Variants in SULT1A2 observed in about 807,000 individuals in gnomAD.
SULT1A2 encodes the protein sulfotransferase 1A2.
In SULT1A2, 33 loss-of-function variants were observed where a neutral mutation model predicts 36.0. The ratio of observed to expected loss-of-function variants is 0.92; its 90% CI spans 0.69 to 1.22. SULT1A2 has a LOEUF of 1.22. Ranked by LOEUF, SULT1A2 falls within the 50% of genes most tolerant of loss-of-function variation. SULT1A2 has a pLI of 0.00. For synonymous variants in SULT1A2, 138 were observed against 144.5 expected (o/e 0.96, Z 0.32); for missense variants, 367 against 383.2 (o/e 0.96, Z 0.35).
chr16:28,592,771 G>C (rs1205492599), intron 6 of SULT1A2, among the ~76,000 whole-genome samples: 1 of 152,216 alleles, frequency 6.6e-6, no homozygotes, highest in African/African-American at 2.4e-5. Context: ...GTTCAGGCGT[G>C]TAATTCCCAA....
intron 1 of SULT1A2, 74 bp from the exon 2 acceptor site, chr16:28,596,008 C>T: frequency 6.3e-7 from 1 of 1,583,910 alleles, no homozygotes; most frequent in Non-Finnish European, 8.6e-7. Context: ...TTCTTGCTTT[C>T]AGGGAAGTCA....
At position 28,593,425 on chromosome 16, in the gene SULT1A2, C is replaced by T; in HGVS notation, c.499+17G>A. 2 of 1,614,188 alleles carry T rather than the reference C, an allele frequency of 1.2e-6. No homozygotes were observed. Among genetic ancestry groups the T allele is most frequent in the Non-Finnish European group, 1.7e-6 (2 of 1,180,020 alleles). On this transcript the variant is annotated intron_variant, in intron 5 of 7. Transcript: ENST00000335715. ...CACCCCTTAGCTCCACACCTTCCTT[C>T]CTCCCATCAAGCCCACCTTCTCCAG...
Position 28,595,892 on chromosome 16 carries a change from C to T in SULT1A2, c.39G>A (p.Glu13=), listed in dbSNP as rs982197817. The T allele has an allele frequency of 6.2e-7, 1 of 1,607,484 alleles. No homozygotes were observed. The highest frequency in any genetic ancestry group is 8.5e-7 in the Non-Finnish European group (1 of 1,176,732). Residue 13 remains glutamate, a synonymous_variant, in exon 2 of 8, where the codon GAG becomes GAA. Coordinates refer to ENST00000335715, the MANE Select transcript of SULT1A2 (RefSeq NM_001054.4). The part of the protein sequence containing the change: ...LIQDISRPPL[E]YVKGVPLIKY... ...TGATGAGCGGGACCCCCTTCACGTA[C>T]TCCAGTGGCGGGCGAGAGATGTCCT...
In SULT1A2 at chr16:28,594,106, T is replaced by G. The variant is rs1458850524; in HGVS notation, c.373-538A>C. Among the ~76,000 whole-genome samples the G allele has an allele frequency of 5.3e-3, 699 of 131,982 alleles. 10 individuals carry two copies. The highest frequency in any genetic ancestry group is 0.017 in the African/African-American group (666 of 38,688). 86.6% of individuals were successfully genotyped at this position (131,982 alleles called of 152,430 possible). A position where few individuals can be genotyped will look rare whatever the true frequency, so the allele number is the denominator to read the frequency against. On this transcript the variant is annotated intron_variant, in intron 4 of 7. Transcript: ENST00000335715. ...TTTTTGTTGTGGTTTTTTTTTTTTTTTGGGGGGGGGGACTCTAGGTCTCAA... is the reference window on the plus strand; with the variant it reads ...TTTTTGTTGTGGTTTTTTTTTTTTTGTGGGGGGGGGGACTCTAGGTCTCAA...
intron 2 of SULT1A2, 44 bp downstream of exon 2, chr16:28,595,739 G>A (rs1212944170): frequency 1.9e-6 from 3 of 1,612,128 alleles, no homozygotes; most frequent in African/African-American, 2.7e-5. Context: ...TGGCCAAGGT[G>A]GGGACTGCCA....
intron 1 of SULT1A2, chr16:28,596,430 G>T: frequency 1.1e-6 from 1 of 908,982 alleles, no homozygotes; most frequent in Non-Finnish European, 1.4e-6. Context: ...AGGCTGGCCA[G>T]GCCTGTGATC....
Position 28,595,872 on chromosome 16 carries a change from A to T in SULT1A2, c.59T>A (p.Leu20His), listed in dbSNP as rs779004792. ...CAGTGCCTCTGCAAAGTACTTGATG[A>T]GCGGGACCCCCTTCACGTACTCCAG... is the stretch of plus-strand genomic sequence containing the variant. Reference protein sequence around the residue: ...PPLEYVKGVPLIKYFAEALGP... With the variant: ...PPLEYVKGVPHIKYFAEALGP... The change falls in exon 2 of 8, where the codon CTC becomes CAC. Residue 20 changes from leucine (L) to histidine (H), a missense_variant. By Grantham distance (99) the Leu-to-His change is moderately conservative. Transcript: ENST00000335715. 1 of 1,610,822 alleles carries T rather than the reference A, an allele frequency of 6.2e-7. No individual in the cohort carries two copies. Among genetic ancestry groups the T allele is most frequent in the Non-Finnish European group, 8.5e-7 (1 of 1,178,994 alleles).
chr16:28,595,130 C>A (rs148268723), intron 4 of SULT1A2, among the ~76,000 whole-genome samples: 205 of 152,156 alleles, frequency 1.3e-3, no homozygotes, highest in Middle Eastern at 0.01. Flanking sequence ...TCTCTGTCAC[C>A]CAGCCTGGAG....
intron 1 of SULT1A2, 136 bp downstream of exon 1, chr16:28,596,861 A>C: frequency 2.7e-4 from 118 of 443,396 alleles, no homozygotes; most frequent in Non-Finnish European, 3.7e-4. Context: ...AGGGGGATTC[A>C]GGCCGGCCGG....
intron 1 of SULT1A2, chr16:28,596,758 A>G: frequency 3.8e-6 from 1 of 266,478 alleles, no homozygotes; most frequent in Non-Finnish European, 7.3e-6. Flanking sequence ...ACTTGAGCCC[A>G]GGAATTCAAG....
At position 28,592,250 on chromosome 16, in the gene SULT1A2, G is replaced by T. The variant is rs200495023; in HGVS notation, c.775+13C>A. 5.6e-5 allele frequency: 90 copies of T among 1,613,882 alleles called. No homozygotes were observed. The highest frequency in any genetic ancestry group is 1.6e-4 in the Middle Eastern group (1 of 6,076). On this transcript the variant is annotated intron_variant, in intron 7 of 7. Transcript: ENST00000335715. ...CCCACCTGCTCCAAACCCCCGTGCT[G>T]GCCGGCACCTACCTTTCCTCATGAA... is the stretch of plus-strand genomic sequence containing the variant.
rs1310227128 is a variant in SULT1A2 at position 28,592,246 on chromosome 16, T to A, written c.775+17A>T. The A allele has an allele frequency of 3.7e-6, 6 of 1,613,968 alleles. No individual in the cohort carries two copies. Among genetic ancestry groups the A allele is most frequent in the Non-Finnish European group, 5.1e-6 (6 of 1,179,856 alleles). Reference sequence around the variant, plus strand: ...TGCTCCCACCTGCTCCAAACCCCCGTGCTGGCCGGCACCTACCTTTCCTCA... The same window carrying A: ...TGCTCCCACCTGCTCCAAACCCCCGAGCTGGCCGGCACCTACCTTTCCTCA... On this transcript the variant is annotated intron_variant, in intron 7 of 7. Coordinates refer to ENST00000335715, the MANE Select transcript of SULT1A2 (RefSeq NM_001054.4).
At chr16:28,594,106 T>TGG (rs1386495900) in intron 4 of SULT1A2, among the ~76,000 whole-genome samples, 5 of 132,008 alleles carry the variant, frequency 3.8e-5, no homozygotes, top group East Asian at 4.3e-4. Flanking sequence ...TTTTTTTTTT[T>TGG]TGGGGGGGGG....
Position 28,595,226 on chromosome 16 carries a change from T to C in SULT1A2, c.372+141A>G. 9.1e-6 allele frequency: 10 copies of C among 1,100,062 alleles called. No homozygotes were observed. The South Asian group carries it at 1.6e-4, about 18-fold the overall frequency. 68.1% of individuals were successfully genotyped at this position (1,100,062 alleles called of 1,614,324 possible). A position where few individuals can be genotyped will look rare whatever the true frequency, so the allele number is the denominator to read the frequency against. ...ACCTCAGCCTCCTGAGTAGCTGGTA[T>C]TACAGGCACACACCACTATGCACAG... is the stretch of plus-strand genomic sequence containing the variant. On this transcript the variant is annotated intron_variant, in intron 4 of 7. Coordinates refer to ENST00000335715, the MANE Select transcript of SULT1A2 (RefSeq NM_001054.4).
At chr16:28,592,470 A>C in intron 6 of SULT1A2, 27 bp from the exon 7 acceptor site, 1 of 1,614,074 alleles carries the variant, frequency 6.2e-7, no homozygotes, top group Non-Finnish European at 8.5e-7. Context: ...TCCTCAGTGG[A>C]GGCTTGGATT....
In SULT1A2 at chr16:28,595,704, C is replaced by A. The variant is rs183805345; in HGVS notation, c.149-29G>T. On this transcript the variant is annotated intron_variant, in intron 2 of 7. Coordinates refer to ENST00000335715, the MANE Select transcript of SULT1A2 (RefSeq NM_001054.4). ...GAGAGGGAGGGAGATGGGAGGTGAG[C>A]AGGCTGAGGTGAGCATGACCTCGCT... is the stretch of plus-strand genomic sequence containing the variant. The A allele has an allele frequency of 2.2e-5, 36 of 1,613,392 alleles. No homozygotes were observed. In the East Asian group the frequency reaches 3.1e-4, roughly 14 times the overall value.
intron 4 of SULT1A2, among the ~76,000 whole-genome samples, chr16:28,594,722 G>C (rs1567296489): frequency 7.0e-6 from 1 of 143,416 alleles, no homozygotes; most frequent in Non-Finnish European, 1.5e-5. Context: ...GAAAGTGCTG[G>C]TATTACAGGC....
intron 4 of SULT1A2, among the ~76,000 whole-genome samples, chr16:28,595,017 A>C (rs2047042249): frequency 6.6e-6 from 1 of 152,030 alleles, no homozygotes; most frequent in African/African-American, 2.4e-5. Flanking sequence ...TCCTAGTCTC[A>C]GGTGATCCAC....
rs200128334 is a variant in SULT1A2, at chr16:28,592,401, G to A, written c.637C>T (p.Arg213Cys). 1.3e-5 allele frequency: 21 copies of A among 1,614,092 alleles called. No homozygotes were observed. Among genetic ancestry groups the A allele is most frequent in the East Asian group, 4.5e-5 (2 of 44,878 alleles). Residue 213 changes from arginine to cysteine, a missense_variant, in exon 7 of 8, where the codon CGC (arginine) becomes TGC (cysteine). By Grantham distance (180) the Arg-to-Cys change is radical. Transcript: ENST00000335715. Reference sequence around the variant, plus strand: ...TCCACAGTCTCCTCTGGCAGGGAGCGCCCCACAAACTCCAGGATCTTTTGA... The same window carrying A: ...TCCACAGTCTCCTCTGGCAGGGAGCACCCCACAAACTCCAGGATCTTTTGA... ...EIQKILEFVGRSLPEETVDLM... is the reference protein window; with the variant it reads ...EIQKILEFVGCSLPEETVDLM...
Sources: gnomAD v4.1 joint callset for allele counts (sites outside exome capture counted in the v4.1 genomes callset) on GRCh38, gnomAD v4.1.1 for gene constraint, MANE v1.5 for transcripts, NCBI Gene and HGNC (gene_info 2026-07-23, HGNC 2026-07-21) for gene names.